LMO2: variants seen among roughly 807,000 people sequenced by gnomAD.
LMO2 encodes rhombotin-2.
Under a neutral mutation model 23.2 loss-of-function variants are expected in LMO2, and 20 were observed. That is an observed-to-expected ratio of 0.86 (90% CI 0.61 to 1.25). The LOEUF (loss-of-function observed/expected upper bound fraction) is 1.25, where lower values mean the gene tolerates loss of function less well. LMO2 is among the 50% of genes most tolerant of loss of function. LMO2 has a pLI of 0.00. For synonymous variants in LMO2, 123 were observed against 130.2 expected, an observed-to-expected ratio of 0.94 and a Z score of 0.38; for missense variants, 270 against 315.3, an observed-to-expected ratio of 0.86 and a Z score of 1.09.
intron 2 of LMO2, among the ~76,000 whole-genome samples, chr11:33,878,666 C>A (rs764523591): frequency 3.9e-5 from 6 of 152,194 alleles, no homozygotes; most frequent in Admixed American, 2.0e-4. Flanking sequence ...CAATGTGGAC[C>A]CAGATCAAGC....
chr11:33,872,786 A>G (rs1857055258), intron 2 of LMO2, among the ~76,000 whole-genome samples: 1 of 152,016 alleles, frequency 6.6e-6, no homozygotes, highest in South Asian at 2.1e-4. Context: ...TTTGAGATGG[A>G]GTCTCGCTCT....
At chr11:33,888,001 C>T (rs567572844) in intron 1 of LMO2, among the ~76,000 whole-genome samples, 2 of 152,102 alleles carry the variant, frequency 1.3e-5, no homozygotes, top group African/African-American at 4.8e-5. Flanking sequence ...GTGCTAGGAG[C>T]TTAACCACCA....
intron 2 of LMO2, among the ~76,000 whole-genome samples, chr11:33,875,296 G>A (rs1460453958): frequency 1.4e-4 from 21 of 152,160 alleles, no homozygotes; most frequent in African/African-American, 4.3e-4. Context: ...ATGTTTGGGC[G>A]GCCGGGCGAG....
chr11:33,866,337 T>C (rs959038799), intron 4 of LMO2, among the ~76,000 whole-genome samples: 1 of 152,180 alleles, frequency 6.6e-6, no homozygotes, highest in African/African-American at 2.4e-5. Context: ...AGTTAGTTTA[T>C]CTGGGGAAAA....
intron 2 of LMO2, among the ~76,000 whole-genome samples, chr11:33,872,008 AATCCCAGCACTTTGAGAGGCCGAGGCG>A (rs567644424): frequency 2.3e-4 from 35 of 152,164 alleles, no homozygotes; most frequent in Middle Eastern, 3.4e-3. Context: ...CCACACCTGT[AATCCCAGCACTTTGAGAGGCCGAGGCG>A]ATCCCAGCAC....
chr11:33,862,947 G>GT (rs35696363), intron 5 of LMO2, among the ~76,000 whole-genome samples: 23,115 of 149,988 alleles, frequency 0.15, 1,882 homozygotes, highest in Middle Eastern at 0.27. Flanking sequence ...CTCCCAGACT[G>GT]TTTTTTTTTT....
chr11:33,883,211 G>A (rs944996985), intron 1 of LMO2, among the ~76,000 whole-genome samples: 1 of 152,276 alleles, frequency 6.6e-6, no homozygotes, highest in Non-Finnish European at 1.5e-5. Flanking sequence ...TGGTACCTAC[G>A]AAGTACTCAA....
intron 2 of LMO2, chr11:33,870,895 G>T: frequency 4.8e-6 from 1 of 206,578 alleles, no homozygotes; most frequent in Non-Finnish European, 8.5e-6. Context: ...CAGAGGGGAA[G>T]CGGGGGAGGC....
chr11:33,864,544 T>A lies in LMO2; in HGVS notation c.464+58A>T. 1 of 1,436,296 alleles carries A rather than the reference T, an allele frequency of 7.0e-7. No homozygotes were observed. Among genetic ancestry groups the A allele is most frequent in the Non-Finnish European group, 9.6e-7 (1 of 1,041,244 alleles). The allele number at this position is 1,436,296 out of a possible 1,614,324, so 89.0% of individuals were successfully genotyped here. On this transcript the variant is annotated intron_variant, in intron 5 of 5. Transcript: ENST00000257818. The surrounding 1 kb of genome is among the most constrained non-coding windows in gnomAD (Gnocchi z 4.8). ...AGGGGCAACACACACCGACTGCAGA[T>A]GTCCATGGACCACCCAGCCTCCCTT...
At chr11:33,870,459 A>ACGGGCTGCGGGCCC in intron 2 of LMO2, 1 of 985,478 alleles carries the variant, frequency 1.0e-6, no homozygotes, top group Non-Finnish European at 1.2e-6. Flanking sequence ...GCTGCGGGCT[A>ACGGGCTGCGGGCCC]CGGGCTGCGG....
chr11:33,869,727 C>T lies in LMO2; in HGVS notation c.-11G>A, dbSNP rs763315535. The T allele has an allele frequency of 1.6e-6, 2 of 1,290,310 alleles. No homozygotes were observed. Among genetic ancestry groups the T allele is most frequent in the East Asian group, 3.6e-5 (1 of 27,512 alleles). 79.9% of individuals were successfully genotyped at this position (1,290,310 alleles called of 1,614,324 possible). On this transcript the variant is annotated 5_prime_UTR_variant, in exon 3 of 6. Transcript: ENST00000257818. ...GACTTAACCTTCCATCCCGGTCCCGCCGCCGCCACCGCCCGGTCCCTCTCG... is the reference window on the plus strand; with the variant it reads ...GACTTAACCTTCCATCCCGGTCCCGTCGCCGCCACCGCCCGGTCCCTCTCG...
At chr11:33,860,803 A>C (rs923497176) in intron 5 of LMO2, among the ~76,000 whole-genome samples, 1 of 152,102 alleles carries the variant, frequency 6.6e-6, no homozygotes, top group African/African-American at 2.4e-5. Context: ...AACAAACAAA[A>C]AAACAAATTC....
At chr11:33,875,304 G>A (rs767348040) in intron 2 of LMO2, among the ~76,000 whole-genome samples, 23 of 152,310 alleles carry the variant, frequency 1.5e-4, no homozygotes, top group Non-Finnish European at 1.0e-4. Context: ...GCGGCCGGGC[G>A]AGGTGGCTCA....
intron 1 of LMO2, among the ~76,000 whole-genome samples, chr11:33,887,337 G>A (rs749958254): frequency 7.9e-5 from 12 of 152,266 alleles, no homozygotes; most frequent in Non-Finnish European, 1.5e-4. Context: ...TGGGGAACCT[G>A]AGGGAAGGAC....
At chr11:33,875,630 G>A (rs1267210753) in intron 2 of LMO2, among the ~76,000 whole-genome samples, 1 of 149,064 alleles carries the variant, frequency 6.7e-6, no homozygotes, top group African/African-American at 2.5e-5. Flanking sequence ...CAGACCCTTT[G>A]ATGGACAAAG....
intron 1 of LMO2, among the ~76,000 whole-genome samples, chr11:33,887,636 C>T (rs946985698): frequency 2.7e-5 from 4 of 150,500 alleles, no homozygotes; most frequent in Non-Finnish European, 5.9e-5. Context: ...CCTTGACCTT[C>T]TGAGTTCAGG....
Position 33,859,305 on chromosome 11 carries a change from G to A in LMO2, c.*51C>T. 1 of 1,377,296 alleles carries A rather than the reference G, an allele frequency of 7.3e-7. No homozygotes were observed. Among genetic ancestry groups the A allele is most frequent in the Non-Finnish European group, 1.0e-6 (1 of 971,048 alleles). 85.3% of individuals were successfully genotyped at this position (1,377,296 alleles called of 1,614,324 possible). A position where few individuals can be genotyped will look rare whatever the true frequency, so the allele number is the denominator to read the frequency against. ...TAAGAGTGAAGACGAAGATGCCATG[G>A]AGACGGCGTCTTCAGTGAACACCTC... is the stretch of plus-strand genomic sequence containing the variant. On this transcript the variant is annotated 3_prime_UTR_variant, in exon 6 of 6. Transcript: ENST00000257818.
At chr11:33,881,582 A>C (rs1302675944) in intron 2 of LMO2, 1 of 359,652 alleles carries the variant, frequency 2.8e-6, no homozygotes, top group African/African-American at 2.1e-5. Context: ...AAATCTAAAA[A>C]ATTATTATAC....
At chr11:33,884,997 T>G (rs1378032940) in intron 1 of LMO2, among the ~76,000 whole-genome samples, 1 of 152,178 alleles carries the variant, frequency 6.6e-6, no homozygotes, top group Non-Finnish European at 1.5e-5. Context: ...AAGACCTTAG[T>G]CCCACTCTTC....
Sources: gnomAD v4.1 joint callset for allele counts (sites outside exome capture counted in the v4.1 genomes callset) on GRCh38, gnomAD v4.1.1 for gene constraint, Gnocchi (gnomAD v3.1) non-coding constraint, MANE v1.5 for transcripts, NCBI Gene and HGNC (gene_info 2026-07-23, HGNC 2026-07-21) for gene names.